SGCZ: variants seen among roughly 807,000 people sequenced by gnomAD.
SGCZ encodes the protein sarcoglycan zeta, also known as zeta-sarcoglycan.
In SGCZ, 40 loss-of-function variants were observed where a neutral mutation model predicts 41.3. That is an observed-to-expected ratio of 0.97 (90% confidence interval 0.75 to 1.26). The LOEUF (loss-of-function observed/expected upper bound fraction) is 1.26. Among genes scored for constraint, SGCZ ranks in the 50% most tolerant of loss-of-function variants. SGCZ has a pLI of 0.00. For missense variants in SGCZ, 552 were observed against 369.8 expected (o/e 1.49, Z -4.04); for synonymous variants, 206 against 137.5 (o/e 1.50, Z -3.49).
At chr8:14,228,957 C>A (rs367767740) in intron 4 of SGCZ, among the ~76,000 whole-genome samples, 41 of 152,004 alleles carry the variant, frequency 2.7e-4, no homozygotes, top group Non-Finnish European at 4.9e-4. Context: ...TCTTTAGGAC[C>A]ACAGCACAGA....
chr8:15,119,029 G>A (rs781318797), intron 1 of SGCZ, among the ~76,000 whole-genome samples: 19 of 151,892 alleles, frequency 1.3e-4, no homozygotes, highest in Non-Finnish European at 2.4e-4. Context: ...GCACGCTTTT[G>A]GGAAATTACA....
At chr8:15,082,925 C>G (rs1805806608) in intron 1 of SGCZ, among the ~76,000 whole-genome samples, 1 of 151,586 alleles carries the variant, frequency 6.6e-6, no homozygotes, top group Non-Finnish European at 1.5e-5. Context: ...AATTTTCTAG[C>G]ATTTTTTTTT....
intron 3 of SGCZ, among the ~76,000 whole-genome samples, chr8:14,299,001 T>C (rs1585334737): frequency 6.6e-6 from 1 of 152,140 alleles, no homozygotes; most frequent in East Asian, 1.9e-4. Flanking sequence ...ATGAAAGACA[T>C]ATAGGTCAAT....
At chr8:14,783,433 C>CA (rs879664630) in intron 1 of SGCZ, among the ~76,000 whole-genome samples, 1,394 of 84,500 alleles carry the variant, frequency 0.016, 10 homozygotes, top group African/African-American at 0.022. Context: ...GATTTTGTCT[C>CA]AAAAAAAAAA....
chr8:15,184,518 T>A (rs1800275519), intron 1 of SGCZ, among the ~76,000 whole-genome samples: 2 of 142,374 alleles, frequency 1.4e-5, no homozygotes, highest in South Asian at 2.2e-4. Context: ...CTTTTTTTTT[T>A]CTTTTGTCCT....
chr8:15,171,819 T>G (rs1799838548), intron 1 of SGCZ, among the ~76,000 whole-genome samples: 1 of 152,178 alleles, frequency 6.6e-6, no homozygotes, highest in Admixed American at 6.5e-5. Flanking sequence ...AGTAAAACCT[T>G]CTCTCAATTC....
intron 1 of SGCZ, among the ~76,000 whole-genome samples, chr8:14,995,657 T>C (rs1432932753): frequency 6.6e-6 from 1 of 152,202 alleles, no homozygotes; most frequent in Non-Finnish European, 1.5e-5. Flanking sequence ...CCTTAGAGAA[T>C]GCTGACCTCA....
intron 1 of SGCZ, among the ~76,000 whole-genome samples, chr8:15,109,506 T>G (rs1050364782): frequency 2.6e-5 from 4 of 152,168 alleles, no homozygotes; most frequent in Non-Finnish European, 5.9e-5. Context: ...AGTTATTTAT[T>G]TGCAATGAGT....
chr8:15,145,038 C>T lies in SGCZ; in HGVS notation c.39+92547G>A, dbSNP rs1234299116. Among the ~76,000 whole-genome samples, 7 of 152,286 alleles carry T rather than the reference C, an allele frequency of 4.6e-5. No homozygotes were observed. In the East Asian group the frequency reaches 1.4e-3, roughly 29 times the overall value. ...CCTGTAGATTGTTCTCCTACGAGTACTTACAGATTTCTTTTTACTTCATCT... is the reference window on the plus strand; with the variant it reads ...CCTGTAGATTGTTCTCCTACGAGTATTTACAGATTTCTTTTTACTTCATCT... On this transcript the variant is annotated intron_variant, in intron 1 of 7. Transcript: ENST00000382080.
intron 2 of SGCZ, among the ~76,000 whole-genome samples, chr8:14,547,337 G>A (rs1803662213): frequency 6.6e-6 from 1 of 152,154 alleles, no homozygotes; most frequent in African/African-American, 2.4e-5. Context: ...GCTGACAGGT[G>A]ACACAGGTTT....
intron 1 of SGCZ, among the ~76,000 whole-genome samples, chr8:15,040,819 G>C (rs1804068194): frequency 6.6e-6 from 1 of 152,004 alleles, no homozygotes; most frequent in African/African-American, 2.4e-5. Flanking sequence ...ATAATTTTTT[G>C]TTTTCTGTTT....
chr8:14,993,292 C>A (rs1190599564), intron 1 of SGCZ, among the ~76,000 whole-genome samples: 4 of 152,050 alleles, frequency 2.6e-5, no homozygotes, highest in African/African-American at 9.7e-5. Context: ...AAATGTTCCT[C>A]CTTATCTGCT....
Position 14,324,164 on chromosome 8 carries a change from C to T in SGCZ, c.275G>A (p.Arg92Gln), listed in dbSNP as rs1038268557. ...GNLRVTKKGI[R>Q]LEGISEFLLP... ...TAGAAACTCAGATATACCTTCAAGT[C>T]GGATTCCCTTCTTGGTGACTCTCAG... Residue 92 changes from arginine to glutamine, a missense_variant, in exon 3 of 8, where the codon CGA becomes CAA. Arg to Gln is a conservative substitution (Grantham distance 43, BLOSUM62 1). Transcript: ENST00000382080. 7.4e-6 allele frequency: 12 copies of T among 1,612,880 alleles called. No individual in the cohort carries two copies. Among genetic ancestry groups the T allele is most frequent in the South Asian group, 1.1e-5 (1 of 91,046 alleles).
chr8:14,855,654 G>A (rs935600560), intron 1 of SGCZ, among the ~76,000 whole-genome samples: 24 of 152,240 alleles, frequency 1.6e-4, no homozygotes, highest in African/African-American at 5.3e-4. Flanking sequence ...GAAAACATAT[G>A]GTCAAATTGT....
chr8:14,721,643 G>C (rs755109527), intron 1 of SGCZ, among the ~76,000 whole-genome samples: 6 of 152,054 alleles, frequency 3.9e-5, no homozygotes, highest in Non-Finnish European at 8.8e-5. Context: ...TTATTATGAT[G>C]GTTTTATAAT....
At chr8:14,632,248 C>T (rs952856919) in intron 1 of SGCZ, among the ~76,000 whole-genome samples, 8 of 151,988 alleles carry the variant, frequency 5.3e-5, no homozygotes, top group African/African-American at 1.7e-4. Context: ...GTCTTGAACT[C>T]CTGAGCTCAT....
Position 14,565,885 on chromosome 8 carries a change from T to G in SGCZ, c.40-10959A>C, listed in dbSNP as rs538187790. On this transcript the variant is annotated intron_variant, in intron 1 of 7. Coordinates refer to ENST00000382080, the MANE Select transcript of SGCZ (RefSeq NM_139167.4). Reference sequence around the variant, plus strand: ...TGCAAACAATTTTCAAAATACCTTATTGGAACGTCATTTTTTTTTCCACTC... The same window carrying G: ...TGCAAACAATTTTCAAAATACCTTAGTGGAACGTCATTTTTTTTTCCACTC... Among the ~76,000 whole-genome samples the G allele has an allele frequency of 2.0e-5, 3 of 152,294 alleles. No individual in the cohort carries two copies. The South Asian group carries it at 6.2e-4, about 32-fold the overall frequency.
At chr8:14,454,499 C>A (rs1800686690) in intron 2 of SGCZ, among the ~76,000 whole-genome samples, 2 of 151,826 alleles carry the variant, frequency 1.3e-5, no homozygotes, top group Non-Finnish European at 2.9e-5. Context: ...TGAATTAAGA[C>A]CAATACCAGT....
intron 1 of SGCZ, among the ~76,000 whole-genome samples, chr8:14,807,908 G>A (rs1032104361): frequency 2.6e-5 from 4 of 152,068 alleles, no homozygotes; most frequent in East Asian, 1.9e-4. Flanking sequence ...ACAGAACAGA[G>A]CCCTCAGAAA....
Sources: gnomAD v4.1 joint callset for allele counts (sites outside exome capture counted in the v4.1 genomes callset) on GRCh38, gnomAD v4.1.1 for gene constraint, MANE v1.5 for transcripts, NCBI Gene and HGNC (gene_info 2026-07-23, HGNC 2026-07-21) for gene names.